The following NR3C1 variants were observed in gnomAD, a reference collection of about 807,000 sequenced individuals.
NR3C1 encodes glucocorticoid receptor.
In NR3C1, 14 loss-of-function variants were observed where a neutral mutation model predicts 74.0. The observed-to-expected ratio is 0.19, with a 90% confidence interval of 0.12 to 0.30. NR3C1 has a LOEUF of 0.30. Ranked by LOEUF, NR3C1 falls within the 10% of genes least tolerant of loss-of-function variation. NR3C1 has a pLI of 1.00. For synonymous variants in NR3C1, 308 were observed against 332.5 expected, an observed-to-expected ratio of 0.93 and a Z score of 0.80; for missense variants, 695 against 909.8, an observed-to-expected ratio of 0.76 and a Z score of 3.04.
At chr5:143,388,690 GA>G (rs1294348070) in intron 2 of NR3C1, among the ~76,000 whole-genome samples, 2 of 152,160 alleles carry the variant, frequency 1.3e-5, no homozygotes, top group African/African-American at 4.8e-5. Context: ...GGTATCTGGG[GA>G]AAGAACATTT....
rs79795956 is a variant in NR3C1 at position 143,340,135 on chromosome 5, T to C, written c.1185-25967A>G. ...TACACAATAGATATGGGACAAAAGA[T>C]GTGCAAGAGCTTTACAGGAAAAATG... On this transcript the variant is annotated intron_variant, in intron 2 of 8. Transcript: ENST00000394464. Among the ~76,000 whole-genome samples, 155 of 152,220 alleles carry C rather than the reference T, an allele frequency of 1.0e-3. 3 individuals carry two copies. The East Asian group carries it at 0.022, about 22-fold the overall frequency.
chr5:143,427,935 T>C (rs957319288), intron 1 of NR3C1, among the ~76,000 whole-genome samples: 1 of 152,256 alleles, frequency 6.6e-6, no homozygotes, highest in African/African-American at 2.4e-5. Context: ...GGCACAATGT[T>C]ATTGTTAATA....
chr5:143,402,717 G>C, intron 1 of NR3C1: 2 of 985,288 alleles, frequency 2.0e-6, no homozygotes, highest in Non-Finnish European at 2.4e-6. Context: ...CGCCCCGCAC[G>C]CCCTCCTCAA....
intron 5 of NR3C1, among the ~76,000 whole-genome samples, chr5:143,299,343 T>TAAAAAAA (rs374503509): frequency 7.9e-6 from 1 of 127,294 alleles, no homozygotes; most frequent in Non-Finnish European, 1.7e-5. Flanking sequence ...GCTTTTAATG[T>TAAAAAAA]AAAAAAAAAA....
At chr5:143,370,325 C>T (rs1342033872) in intron 2 of NR3C1, among the ~76,000 whole-genome samples, 2 of 152,210 alleles carry the variant, frequency 1.3e-5, no homozygotes, top group Non-Finnish European at 2.9e-5. Flanking sequence ...CCCTTGCATA[C>T]ACTCCAGACA....
At chr5:143,289,792 C>T (rs762214925) in intron 7 of NR3C1, among the ~76,000 whole-genome samples, 2 of 152,122 alleles carry the variant, frequency 1.3e-5, no homozygotes, top group Admixed American at 6.6e-5. Context: ...AGTATACCTA[C>T]GATGAAAGAG....
intron 4 of NR3C1, among the ~76,000 whole-genome samples, chr5:143,302,243 T>A (rs1300626141): frequency 6.6e-6 from 1 of 152,144 alleles, no homozygotes; most frequent in Non-Finnish European, 1.5e-5. Context: ...CTGGCATATA[T>A]TATAGTAAGT....
chr5:143,332,407 T>G (rs1826160909), intron 2 of NR3C1, among the ~76,000 whole-genome samples: 1 of 112,150 alleles, frequency 8.9e-6, no homozygotes, highest in Admixed American at 1.0e-4. Context: ...CTGGGGCCCG[T>G]TGGGTGGGGG....
At chr5:143,370,664 T>C (rs1031821153) in intron 2 of NR3C1, among the ~76,000 whole-genome samples, 12 of 152,242 alleles carry the variant, frequency 7.9e-5, no homozygotes, top group Non-Finnish European at 1.8e-4. Flanking sequence ...GCTGTATTGG[T>C]CTGGCTTCAG....
chr5:143,390,262 C>A (rs1837995523), intron 2 of NR3C1, among the ~76,000 whole-genome samples: 1 of 151,880 alleles, frequency 6.6e-6, no homozygotes, highest in Non-Finnish European at 1.5e-5. Flanking sequence ...GAATAAAAGT[C>A]AAAAATATAT....
intron 2 of NR3C1, among the ~76,000 whole-genome samples, chr5:143,391,181 A>C (rs955657597): frequency 6.6e-6 from 1 of 152,220 alleles, no homozygotes; most frequent in African/African-American, 2.4e-5. Flanking sequence ...CTACAAACTT[A>C]GGTTCTACAT....
At chr5:143,406,424 CTT>C (rs921358785), upstream of NR3C1, among the ~76,000 whole-genome samples, 10 of 145,944 alleles carry the variant, frequency 6.9e-5, no homozygotes, top group African/African-American at 1.8e-4. Flanking sequence ...AAAAAAAAAA[CTT>C]ATCCTAATTT....
intron 5 of NR3C1, 78 bp from the exon 6 acceptor site, chr5:143,298,890 GATCA>G: frequency 6.9e-7 from 1 of 1,456,466 alleles, no homozygotes. Context: ...GGAGCAATGA[GATCA>G]ATTAGCCCTG....
At chr5:143,353,593 C>T (rs1048551240) in intron 2 of NR3C1, among the ~76,000 whole-genome samples, 1 of 152,140 alleles carries the variant, frequency 6.6e-6, no homozygotes, top group African/African-American at 2.4e-5. Flanking sequence ...CTTGGGTGAG[C>T]CCAGGTGCAC....
intron 2 of NR3C1, among the ~76,000 whole-genome samples, chr5:143,319,218 A>T (rs1822815948): frequency 6.6e-6 from 1 of 152,146 alleles, no homozygotes; most frequent in South Asian, 2.1e-4. Context: ...CAATTGCCCT[A>T]TTGCTAATAG....
chr5:143,384,742 C>T (rs144050489), intron 2 of NR3C1, among the ~76,000 whole-genome samples: 1 of 152,348 alleles, frequency 6.6e-6, no homozygotes, highest in Non-Finnish European at 1.5e-5. Context: ...ACAGACCCTG[C>T]AGCTGCTTTC....
upstream of NR3C1, chr5:143,404,399 G>T (rs1224050128): frequency 5.1e-6 from 5 of 985,430 alleles, no homozygotes; most frequent in South Asian, 4.7e-5. Flanking sequence ...GGAGTCGCGT[G>T]CCGGCAGGTC....
At chr5:143,420,547 A>C (rs4585488) in intron 1 of NR3C1, among the ~76,000 whole-genome samples, 151,271 of 152,258 alleles carry the variant, frequency 0.99, 75,155 homozygotes, top group Middle Eastern at 1. Context: ...TTTCCCTAGA[A>C]CACTAGTTTT....
chr5:143,300,722 T>A lies in NR3C1; in HGVS notation c.1510A>T (p.Thr504Ser), dbSNP rs72542747. The A allele has an allele frequency of 3.3e-5, 53 of 1,614,058 alleles. 2 individuals are homozygous for A. The East Asian group carries it at 6.5e-4, about 20-fold the overall frequency. ...GAGGTTTCTTGTGAGACTCCTGTAG[T>A]GGCCTGCTGAATTCCTTTTATTTTT... ...KKKIKGIQQA[T>S]TGVSQETSEN... is the part of the protein sequence containing the mutation. The change falls in exon 5 of 9, where the codon ACT becomes TCT. Residue 504 changes from threonine (T) to serine (S), a missense_variant. Thr to Ser is a moderately conservative substitution (Grantham distance 58, BLOSUM62 1). Around this residue, in one of 4 missense-constraint regions of NR3C1, gnomAD observed 42 missense variants for 49.3 expected, o/e 0.85. Coordinates refer to ENST00000394464, the MANE Select transcript of NR3C1 (RefSeq NM_000176.3). The surrounding 1 kb of genome is among the most constrained non-coding windows in gnomAD (Gnocchi z 5.2).
Sources: allele counts gnomAD v4.1 joint callset (sites outside exome capture counted in the v4.1 genomes callset), GRCh38; gene constraint gnomAD v4.1.1; regional missense constraint gnomAD v4.1.1; non-coding constraint Gnocchi (gnomAD v3.1); transcripts MANE v1.5; gene names NCBI Gene and HGNC (gene_info 2026-07-23, HGNC 2026-07-21).